PRDM4: variants seen among roughly 807,000 people sequenced by gnomAD.
PRDM4 encodes the protein PR/SET domain 4.
PRDM4 carries 38 observed loss-of-function variants against 62.3 expected under a neutral mutation model. The ratio of observed to expected loss-of-function variants is 0.61; its 90% CI spans 0.47 to 0.80. PRDM4 has a LOEUF of 0.80. Ranked by LOEUF, PRDM4 falls within the 30% of genes least tolerant of loss-of-function variation. The pLI is 0.00. For missense variants in PRDM4, 858 were observed against 997.1 expected (o/e 0.86, Z 1.88); for synonymous variants, 339 against 348.2 (o/e 0.97, Z 0.30).
At position 107,739,557 on chromosome 12, in the gene PRDM4, A is replaced by G. The variant is rs1284154185; in HGVS notation, c.1925-6T>C. The G allele has an allele frequency of 6.2e-7, 1 of 1,612,290 alleles. No homozygotes were observed. Among genetic ancestry groups the G allele is most frequent in the Non-Finnish European group, 8.5e-7 (1 of 1,178,958 alleles). ...ACACCTGTAGTTCTTCTGACCTGCAATCAGCCCAAAGTATTACACCGTGAA... is the reference window on the plus strand; with the variant it reads ...ACACCTGTAGTTCTTCTGACCTGCAGTCAGCCCAAAGTATTACACCGTGAA... On this transcript the variant is annotated splice_polypyrimidine_tract_variant and splice_region_variant and intron_variant, in intron 10 of 11. Coordinates refer to ENST00000228437, the MANE Select transcript of PRDM4 (RefSeq NM_012406.4).
intron 4 of PRDM4, among the ~76,000 whole-genome samples, chr12:107,753,484 C>T (rs1890965850): frequency 6.6e-6 from 1 of 151,940 alleles, no homozygotes; most frequent in African/African-American, 2.4e-5. Context: ...GAAGGAAGTA[C>T]ACCAAAAAGA....
chr12:107,740,993 G>C lies in PRDM4; in HGVS notation c.1877C>G (p.Ala626Gly). The stretch of plus-strand genomic sequence containing the variant: ...CCGCAGGTTGCTGGGATCACTAAAA[G>C]CCTTGCTACAGAAATCACACTTGTG... ...KPHKCDFCSKAFSDPSNLRTH... is the reference protein window; with the variant it reads ...KPHKCDFCSKGFSDPSNLRTH... Residue 626 changes from alanine to glycine, a missense_variant, in exon 10 of 12, where the codon GCT becomes GGT. Around this residue, in one of 3 missense-constraint regions of PRDM4, gnomAD observed 355 missense variants for 432.6 expected, o/e 0.82. Coordinates refer to ENST00000228437, the MANE Select transcript of PRDM4 (RefSeq NM_012406.4). The C allele has an allele frequency of 1.9e-6, 3 of 1,614,188 alleles. No homozygotes were observed.
Position 107,734,424 on chromosome 12 carries a change from A to G in PRDM4, c.2192T>C (p.Val731Ala). The G allele has an allele frequency of 1.2e-6, 2 of 1,614,134 alleles. No homozygotes were observed. The highest frequency in any genetic ancestry group is 1.7e-6 in the Non-Finnish European group (2 of 1,180,006). Reference protein sequence around the residue: ...LNSHEGKRDYVCEKCTKAYLT... With the variant: ...LNSHEGKRDYACEKCTKAYLT... Reference sequence around the variant, plus strand: ...ATAAGCCTTTGTACATTTTTCACAGACATAATCCCGTTTTCCTTCATGAGA... The same window carrying G: ...ATAAGCCTTTGTACATTTTTCACAGGCATAATCCCGTTTTCCTTCATGAGA... The change falls in exon 12 of 12, where the codon GTC becomes GCC. Residue 731 changes from valine to alanine, a missense_variant. By Grantham distance (64) the Val-to-Ala change is moderately conservative. Transcript: ENST00000228437.
At chr12:107,735,461 C>A (rs1890297435) in intron 11 of PRDM4, among the ~76,000 whole-genome samples, 1 of 152,054 alleles carries the variant, frequency 6.6e-6, no homozygotes, top group South Asian at 2.1e-4. Context: ...ATGGAATTAC[C>A]ATTTTTCTGT....
chr12:107,755,619 TAG>T (rs910145239), intron 3 of PRDM4, among the ~76,000 whole-genome samples: 1 of 152,222 alleles, frequency 6.6e-6, no homozygotes, highest in African/African-American at 2.4e-5. Context: ...AAACAATATA[TAG>T]ATTTATTTAT....
rs367829291 is a variant in PRDM4 at position 107,746,471 on chromosome 12, G to C, written c.1127-47C>G. On this transcript the variant is annotated intron_variant, in intron 5 of 11. Transcript: ENST00000228437. ...AATACAAATGGGTTTAGTTCAAGCA[G>C]GCTAAATTACCACCACGGTTTTTTT... 4.2e-5 allele frequency: 61 copies of C among 1,451,596 alleles called. 2 individuals are homozygous for C. Among genetic ancestry groups the C allele is most frequent in the Middle Eastern group, 1.8e-4 (1 of 5,536 alleles). 89.9% of individuals were successfully genotyped at this position (1,451,596 alleles called of 1,614,324 possible). A position where few individuals can be genotyped will look rare whatever the true frequency, so the allele number is the denominator to read the frequency against.
chr12:107,751,327 C>G, intron 5 of PRDM4, 88 bp downstream of exon 5: 1 of 1,371,130 alleles, frequency 7.3e-7, no homozygotes, highest in Non-Finnish European at 1.0e-6. Flanking sequence ...TCTATACTCC[C>G]TTAATGCCAA....
chr12:107,749,266 G>A (rs1399403724), intron 5 of PRDM4, among the ~76,000 whole-genome samples: 1 of 151,896 alleles, frequency 6.6e-6, no homozygotes, highest in Non-Finnish European at 1.5e-5. Flanking sequence ...ATCTCTACTG[G>A]GTGTCTTACA....
At position 107,756,969 on chromosome 12, in the gene PRDM4, GA is replaced by G; in HGVS notation, c.12-5del. On this transcript the variant is annotated splice_region_variant and splice_polypyrimidine_tract_variant and intron_variant, in intron 2 of 11. Transcript: ENST00000228437. Reference sequence around the variant, plus strand: ...ACTCAGGTTCATTTCATTCATCCTAGAAAAGAGCACACACAACTAGTTATGC... The same window carrying G: ...ACTCAGGTTCATTTCATTCATCCTAGAAAGAGCACACACAACTAGTTATGC... 6.2e-7 allele frequency: 1 copy of G among 1,613,738 alleles called. No homozygotes were observed. The highest frequency in any genetic ancestry group is 8.5e-7 in the Non-Finnish European group (1 of 1,179,924).
At chr12:107,738,618 T>G (rs1284516982) in intron 11 of PRDM4, 3 of 152,242 alleles carry the variant, frequency 2.0e-5, no homozygotes, top group Non-Finnish European at 1.5e-5. Context: ...TAATGCAGTC[T>G]AGACATTTAA....
Position 107,751,749 on chromosome 12 carries a change from G to A in PRDM4, c.792C>T (p.Leu264=). The A allele has an allele frequency of 1.2e-6, 2 of 1,614,188 alleles. No individual in the cohort carries two copies. The highest frequency in any genetic ancestry group is 1.7e-6 in the Non-Finnish European group (2 of 1,180,044). ...TGTGGTCTGTCTCCATGACCACAGG[G>A]AGCTCCAGGCCATTCCCATGCATGG... ...VIPMHGNGLE[L]PVVMETDHIA... Residue 264 remains leucine (L), a synonymous_variant, in exon 5 of 12, where the codon CTC becomes CTT. Coordinates refer to ENST00000228437, the MANE Select transcript of PRDM4 (RefSeq NM_012406.4).
chr12:107,740,919 C>T (rs1890497030), intron 10 of PRDM4, 27 bp downstream of exon 10: 1 of 1,591,574 alleles, frequency 6.3e-7, no homozygotes, highest in Non-Finnish European at 8.6e-7. Flanking sequence ...TGCAAAAATT[C>T]CATTCTGATG....
At chr12:107,738,288 T>C (rs1350511481) in intron 11 of PRDM4, 1 of 152,230 alleles carries the variant, frequency 6.6e-6, no homozygotes. Flanking sequence ...TCTGTCTAAT[T>C]TTGTAAAATT....
In PRDM4 at chr12:107,742,207, A is replaced by G. The variant is rs1388486205; in HGVS notation, c.1609+14T>C. ...TTACTAAGCCAGATTCATTATAAAC[A>G]CATATTAACTTACCAATCTGTTGAG... On this transcript the variant is annotated intron_variant, in intron 9 of 11. Transcript: ENST00000228437. The G allele has an allele frequency of 1.9e-6, 3 of 1,606,730 alleles. No individual in the cohort carries two copies. In the Admixed American group the frequency reaches 5.1e-5, roughly 28 times the overall value.
intron 2 of PRDM4, among the ~76,000 whole-genome samples, chr12:107,757,931 T>G (rs1326316831): frequency 6.6e-6 from 1 of 152,176 alleles, no homozygotes; most frequent in Non-Finnish European, 1.5e-5. Context: ...ACTGCCATAC[T>G]ATAAACATTA....
At chr12:107,737,550 T>C (rs924008389) in intron 11 of PRDM4, among the ~76,000 whole-genome samples, 1 of 152,230 alleles carries the variant, frequency 6.6e-6, no homozygotes, top group Non-Finnish European at 1.5e-5. Context: ...GAGGCTGATA[T>C]CGACTTGATT....
Position 107,746,318 on chromosome 12 carries a change from TG to T in PRDM4, c.1232del (p.Pro411GlnfsTer32). ...TTGACTGACGGAGAACAAGCTGCTT[TG>T]GGAGAGAAAGCCTTGCTCTGCTCTC... is the stretch of plus-strand genomic sequence containing the variant. ...PIESRARLSL[P>X]KQLVLRQSIV... On this transcript the variant is annotated frameshift_variant, in exon 6 of 12. Coordinates refer to ENST00000228437, the MANE Select transcript of PRDM4 (RefSeq NM_012406.4). LOFTEE classifies it high-confidence loss of function. 6.2e-7 allele frequency: 1 copy of T among 1,614,134 alleles called. No homozygotes were observed. Among genetic ancestry groups the T allele is most frequent in the Non-Finnish European group, 8.5e-7 (1 of 1,180,022 alleles).
intron 3 of PRDM4, 68 bp downstream of exon 3, chr12:107,756,764 C>G (rs764957802): frequency 1.8e-5 from 28 of 1,579,224 alleles, no homozygotes; most frequent in Non-Finnish European, 2.4e-5. Flanking sequence ...CTGATCTCTT[C>G]TAGACTCCAT....
In PRDM4 at chr12:107,734,339, C is replaced by A. The variant is rs201810021; in HGVS notation, c.2277G>T (p.Ser759=). ...CCTCTTCTTCCTCCTCTGGTGCTGA[C>A]GAACTGGAGGTGGGCCCTTTGCAGG... ...LKTCKGPTSS[S]SAPEEEEEDD... The change falls in exon 12 of 12, where the codon TCG becomes TCT. Residue 759 remains serine, a synonymous_variant. Transcript: ENST00000228437. 1 of 1,614,178 alleles carries A rather than the reference C, an allele frequency of 6.2e-7. No homozygotes were observed. The highest frequency in any genetic ancestry group is 1.1e-5 in the South Asian group (1 of 91,082).
Sources: allele counts gnomAD v4.1 joint callset (sites outside exome capture counted in the v4.1 genomes callset), GRCh38; gene constraint gnomAD v4.1.1; regional missense constraint gnomAD v4.1.1; transcripts MANE v1.5; gene names NCBI Gene and HGNC (gene_info 2026-07-23, HGNC 2026-07-21).